The following TBC1D5 variants were observed in gnomAD, a reference collection of about 807,000 sequenced individuals.
The protein encoded by TBC1D5 is TBC1 domain family, member 5.
TBC1D5 carries 75 observed loss-of-function variants against 100.3 expected under a neutral mutation model. The observed-to-expected ratio is 0.75, with a 90% CI of 0.62 to 0.91. TBC1D5 has a LOEUF of 0.91. Among genes scored for constraint, TBC1D5 ranks in the 40% least tolerant of loss-of-function variants. The pLI is 0.00. For synonymous variants in TBC1D5, 323 were observed against 325.6 expected (o/e 0.99, Z 0.09); for missense variants, 910 against 942.4 (o/e 0.97, Z 0.45).
In TBC1D5 at chr3:17,192,838, C is replaced by T. The variant is rs745639328; in HGVS notation, c.1753-7630G>A. ...TTGTTTTTCAGCCACTGAAGCACTGCGGTGTCCCACCGCTGACGTCCTCAC... is the reference window on the plus strand; with the variant it reads ...TTGTTTTTCAGCCACTGAAGCACTGTGGTGTCCCACCGCTGACGTCCTCAC... On this transcript the variant is annotated intron_variant, in intron 18 of 21. Coordinates refer to ENST00000253692, the Ensembl canonical transcript of TBC1D5. 4.7e-4 allele frequency among the ~76,000 whole-genome samples: 72 copies of T among 152,376 alleles called. No homozygotes were observed. In the Middle Eastern group the frequency reaches 0.014, roughly 29 times the overall value.
exon 22 of TBC1D5, chr3:17,158,695 T>TAAAC (rs1014723597): frequency 2.0e-5 from 3 of 152,172 alleles, no homozygotes; most frequent in Non-Finnish European, 4.4e-5. Context: ...CAGTGACTAT[T>TAAAC]AAACACCCAG....
chr3:17,244,138 GCTT>G (rs1387587762), intron 16 of TBC1D5, among the ~76,000 whole-genome samples: 1 of 152,120 alleles, frequency 6.6e-6, no homozygotes, highest in Non-Finnish European at 1.5e-5. Context: ...GATAAAACAG[GCTT>G]CATTTACAAA....
Position 17,478,097 on chromosome 3 carries a change from A to C in TBC1D5, c.97+30377T>G, listed in dbSNP as rs369012715. Among the ~76,000 whole-genome samples, 7 of 152,126 alleles carry C rather than the reference A, an allele frequency of 4.6e-5. No individual in the cohort carries two copies. In the East Asian group the frequency reaches 1.2e-3, roughly 25 times the overall value. ...ATGCAATACATTTTTAATCTGGAAA[A>C]TCCAGAAATTTAGGAAAACGTTTGT... is the stretch of plus-strand genomic sequence containing the variant. On this transcript the variant is annotated intron_variant, in intron 3 of 21. Transcript: ENST00000253692.
chr3:17,424,281 A>G (rs2094287181), intron 4 of TBC1D5, among the ~76,000 whole-genome samples: 1 of 152,214 alleles, frequency 6.6e-6, no homozygotes, highest in Non-Finnish European at 1.5e-5. Flanking sequence ...GTCTGTAGTC[A>G]TATGTGCTGG....
upstream of TBC1D5, among the ~76,000 whole-genome samples, chr3:17,741,941 A>G (rs549962177): frequency 6.6e-6 from 1 of 150,732 alleles, no homozygotes; most frequent in South Asian, 2.1e-4. Flanking sequence ...TCTCTCTTCT[A>G]AAGACTATTA....
At chr3:17,541,588 G>A (rs1463701466) in intron 2 of TBC1D5, among the ~76,000 whole-genome samples, 1 of 152,032 alleles carries the variant, frequency 6.6e-6, no homozygotes, top group Non-Finnish European at 1.5e-5. Context: ...ACACATTTTG[G>A]GGGAATCTTT....
chr3:17,572,687 G>A (rs2096634844), intron 2 of TBC1D5, among the ~76,000 whole-genome samples: 1 of 152,054 alleles, frequency 6.6e-6, no homozygotes, highest in Non-Finnish European at 1.5e-5. Context: ...ACATTACATA[G>A]AGATGTCAAA....
At chr3:17,681,170 C>G (rs550970100) in intron 1 of TBC1D5, among the ~76,000 whole-genome samples, 1 of 151,638 alleles carries the variant, frequency 6.6e-6, no homozygotes, top group Admixed American at 6.6e-5. Context: ...GGCTTCATAC[C>G]GTAACTAACT....
chr3:17,335,562 T>A (rs529895956), intron 13 of TBC1D5, among the ~76,000 whole-genome samples: 2 of 152,258 alleles, frequency 1.3e-5, no homozygotes, highest in East Asian at 3.9e-4. Context: ...TTACTTTTTA[T>A]CCACAAAAAG....
At chr3:17,475,997 T>A (rs1334243200) in intron 3 of TBC1D5, among the ~76,000 whole-genome samples, 1 of 152,138 alleles carries the variant, frequency 6.6e-6, no homozygotes, top group Non-Finnish European at 1.5e-5. Context: ...TTCATACATA[T>A]ATGGCTATTG....
intron 3 of TBC1D5, among the ~76,000 whole-genome samples, chr3:17,444,850 T>A (rs1411209477): frequency 6.6e-6 from 1 of 152,102 alleles, no homozygotes; most frequent in Non-Finnish European, 1.5e-5. Flanking sequence ...TAATATAACT[T>A]TCAATGGCTA....
chr3:17,493,341 A>G (rs1395393099), intron 3 of TBC1D5, among the ~76,000 whole-genome samples: 1 of 151,470 alleles, frequency 6.6e-6, no homozygotes, highest in Non-Finnish European at 1.5e-5. Context: ...TTTGTAGGTG[A>G]CCTGGCCTTT....
intron 3 of TBC1D5, among the ~76,000 whole-genome samples, chr3:17,482,935 G>C (rs2150353927): frequency 6.6e-6 from 1 of 152,196 alleles, no homozygotes; most frequent in East Asian, 1.9e-4. Flanking sequence ...CCTCAGTATG[G>C]TGTTCATTAA....
At chr3:17,576,267 T>A (rs1327150835) in intron 2 of TBC1D5, 1 of 151,522 alleles carries the variant, frequency 6.6e-6, no homozygotes, top group Admixed American at 6.6e-5. Flanking sequence ...GTGATGGAGG[T>A]TTTAAGAGCA....
At chr3:17,645,395 T>A (rs1410726648) in intron 1 of TBC1D5, among the ~76,000 whole-genome samples, 1 of 152,128 alleles carries the variant, frequency 6.6e-6, no homozygotes, top group Non-Finnish European at 1.5e-5. Context: ...TAATTATACT[T>A]GAAAATTTAG....
At chr3:17,575,698 C>T (rs950456276) in intron 2 of TBC1D5, among the ~76,000 whole-genome samples, 6 of 152,102 alleles carry the variant, frequency 3.9e-5, no homozygotes, top group Non-Finnish European at 7.4e-5. Context: ...AGGACATTAA[C>T]TTTTCTTGCA....
At chr3:17,434,616 T>C (rs2094502864) in intron 3 of TBC1D5, among the ~76,000 whole-genome samples, 1 of 152,150 alleles carries the variant, frequency 6.6e-6, no homozygotes, top group Non-Finnish European at 1.5e-5. Context: ...TGTCCTGAGG[T>C]TGCATAGAAC....
chr3:17,528,321 T>G (rs1000939580), intron 2 of TBC1D5, among the ~76,000 whole-genome samples: 1 of 152,204 alleles, frequency 6.6e-6, no homozygotes, highest in African/African-American at 2.4e-5. Flanking sequence ...TTAAAAGGGC[T>G]GGAGGGAACT....
At chr3:17,648,837 G>C (rs913324763) in intron 1 of TBC1D5, among the ~76,000 whole-genome samples, 6 of 152,162 alleles carry the variant, frequency 3.9e-5, no homozygotes, top group Non-Finnish European at 7.3e-5. Flanking sequence ...ACAAATGCTG[G>C]CAAGTTTCCA....
Sources: gnomAD v4.1 joint callset for allele counts (sites outside exome capture counted in the v4.1 genomes callset) on GRCh38, gnomAD v4.1.1 for gene constraint, MANE v1.5 for transcripts, NCBI Gene and HGNC (gene_info 2026-07-23, HGNC 2026-07-21) for gene names.